FHIT: variants seen among roughly 807,000 people sequenced by gnomAD.
The protein encoded by FHIT is fragile histidine triad diadenosine triphosphatase, also known as bis(5'-adenosyl)-triphosphatase.
Under a neutral mutation model 17.9 loss-of-function variants are expected in FHIT, and 19 were observed. The observed-to-expected ratio is 1.06, with a 90% CI of 0.74 to 1.56. The LOEUF (loss-of-function observed/expected upper bound fraction) is 1.56. Ranked by LOEUF, FHIT falls within the 40% of genes most tolerant of loss-of-function variation. The probability of loss-of-function intolerance (pLI) is 0.00; values close to 1 mark genes in which losing one functional copy is unlikely to be tolerated. For missense variants in FHIT, 248 were observed against 189.2 expected (o/e 1.31, Z -1.82); for synonymous variants, 81 against 69.7 (o/e 1.16, Z -0.81).
At position 60,916,902 on chromosome 3, in the gene FHIT, G is replaced by A. The variant is rs574472058; in HGVS notation, c.-110-94891C>T. Among the ~76,000 whole-genome samples, 70 of 152,170 alleles carry A rather than the reference G, an allele frequency of 4.6e-4. 1 individual carries two copies. The South Asian group carries it at 0.012, about 27-fold the overall frequency. Reference sequence around the variant, plus strand: ...AGGAAGAGAATACAGAATTAGAATCGCATAAAAAAATCCATCTCCCAAATA... The same window carrying A: ...AGGAAGAGAATACAGAATTAGAATCACATAAAAAAATCCATCTCCCAAATA... On this transcript the variant is annotated intron_variant, in intron 3 of 9. Coordinates refer to ENST00000492590, the MANE Select transcript of FHIT (RefSeq NM_002012.4).
At chr3:60,443,976 G>T (rs1290589122) in intron 5 of FHIT, among the ~76,000 whole-genome samples, 1 of 151,938 alleles carries the variant, frequency 6.6e-6, no homozygotes, top group African/African-American at 2.4e-5. Flanking sequence ...AATCTACAAT[G>T]AACTCAAACA....
intron 8 of FHIT, among the ~76,000 whole-genome samples, chr3:59,891,918 T>C (rs1006008485): frequency 2.6e-5 from 4 of 152,198 alleles, no homozygotes; most frequent in Admixed American, 1.3e-4. Flanking sequence ...AGGGGACTTC[T>C]GAATTTAAAG....
chr3:59,957,943 G>A (rs1487062285), intron 7 of FHIT, among the ~76,000 whole-genome samples: 1 of 152,184 alleles, frequency 6.6e-6, no homozygotes, highest in Non-Finnish European at 1.5e-5. Context: ...CAAAATAACA[G>A]CCTCATCGTT....
At chr3:60,003,697 A>T (rs779720287) in intron 7 of FHIT, among the ~76,000 whole-genome samples, 8 of 151,908 alleles carry the variant, frequency 5.3e-5, no homozygotes, top group Non-Finnish European at 1.2e-4. Flanking sequence ...ATAAGCCGAG[A>T]TCACACCACT....
chr3:60,438,990 G>C (rs2030545576), intron 5 of FHIT, among the ~76,000 whole-genome samples: 1 of 152,130 alleles, frequency 6.6e-6, no homozygotes, highest in Admixed American at 6.6e-5. Flanking sequence ...GAAGAAAATA[G>C]AGCCATTGCT....
At chr3:60,891,285 T>G (rs1705505827) in intron 3 of FHIT, among the ~76,000 whole-genome samples, 1 of 152,170 alleles carries the variant, frequency 6.6e-6, no homozygotes, top group African/African-American at 2.4e-5. Flanking sequence ...CCATCTTTAT[T>G]CTTAGTCCAT....
chr3:60,541,535 G>A (rs147401956), intron 4 of FHIT, among the ~76,000 whole-genome samples: 1 of 152,262 alleles, frequency 6.6e-6, no homozygotes, highest in East Asian at 1.9e-4. Flanking sequence ...AGTGACCCAG[G>A]CACCCATAGT....
intron 5 of FHIT, among the ~76,000 whole-genome samples, chr3:60,465,748 T>C (rs554002232): frequency 6.6e-6 from 1 of 152,232 alleles, no homozygotes; most frequent in Admixed American, 6.5e-5. Flanking sequence ...CATTGGTCTA[T>C]GTGTCTGTTT....
chr3:60,986,694 A>C (rs1361714843), intron 3 of FHIT, among the ~76,000 whole-genome samples: 1 of 152,142 alleles, frequency 6.6e-6, no homozygotes, highest in Non-Finnish European at 1.5e-5. Context: ...GTTCTACCTC[A>C]TGGGCTCTGG....
intron 5 of FHIT, among the ~76,000 whole-genome samples, chr3:60,029,413 G>T (rs1186349733): frequency 6.6e-6 from 1 of 152,182 alleles, no homozygotes; most frequent in Non-Finnish European, 1.5e-5. Flanking sequence ...AAGAACTAGT[G>T]TCATATGTGA....
intron 3 of FHIT, among the ~76,000 whole-genome samples, chr3:61,029,635 A>C (rs192936800): frequency 1.3e-4 from 20 of 152,358 alleles, no homozygotes; most frequent in Middle Eastern, 6.8e-3. Context: ...AAAAGTTTCT[A>C]AATGCACCAC....
At chr3:60,735,907 G>A (rs1055344260) in intron 4 of FHIT, among the ~76,000 whole-genome samples, 3 of 152,184 alleles carry the variant, frequency 2.0e-5, no homozygotes, top group Non-Finnish European at 2.9e-5. Context: ...TTCCAATACT[G>A]ATGGGCTATT....
At chr3:60,121,715 C>A (rs569070598) in intron 5 of FHIT, among the ~76,000 whole-genome samples, 2,900 of 103,856 alleles carry the variant, frequency 0.028, 71 homozygotes, top group African/African-American at 0.085. Flanking sequence ...AACAAACACA[C>A]ACACACACAC....
At chr3:60,432,618 T>G (rs900943869) in intron 5 of FHIT, among the ~76,000 whole-genome samples, 2 of 152,114 alleles carry the variant, frequency 1.3e-5, no homozygotes, top group African/African-American at 4.8e-5. Context: ...CAAATAAACA[T>G]AATTCTAATT....
intron 5 of FHIT, among the ~76,000 whole-genome samples, chr3:60,304,285 C>T (rs6764575): frequency 0.028 from 4,225 of 152,166 alleles, 179 homozygotes; most frequent in African/African-American, 0.084. Context: ...AGTAAATCAA[C>T]AATTGCTGCC....
At chr3:60,982,152 C>A (rs143348618) in intron 3 of FHIT, among the ~76,000 whole-genome samples, 172 of 152,328 alleles carry the variant, frequency 1.1e-3, no homozygotes, top group Non-Finnish European at 2.1e-3. Context: ...GACTTAAAAC[C>A]CTTCAGTGCT....
intron 8 of FHIT, among the ~76,000 whole-genome samples, chr3:59,785,498 G>A (rs659205): frequency 0.67 from 101,938 of 151,242 alleles, 34,731 homozygotes; most frequent in Middle Eastern, 0.73. Context: ...TTTGGTAGAC[G>A]TGGGGTTTTA....
chr3:60,090,247 T>C (rs187438675), intron 5 of FHIT, among the ~76,000 whole-genome samples: 6 of 152,254 alleles, frequency 3.9e-5, no homozygotes, highest in East Asian at 1.9e-4. Flanking sequence ...TTTCCCAGTA[T>C]GAAAATGTGA....
At chr3:60,034,287 G>C (rs1701121583) in intron 5 of FHIT, among the ~76,000 whole-genome samples, 1 of 152,220 alleles carries the variant, frequency 6.6e-6, no homozygotes, top group Non-Finnish European at 1.5e-5. Flanking sequence ...GAATTGTGCA[G>C]GTTGGCCAGC....
Sources: allele counts gnomAD v4.1 joint callset (sites outside exome capture counted in the v4.1 genomes callset), GRCh38; gene constraint gnomAD v4.1.1; transcripts MANE v1.5; gene names NCBI Gene and HGNC (gene_info 2026-07-23, HGNC 2026-07-21).